The following SLC71A2 variants were observed in gnomAD, a reference collection of about 807,000 sequenced individuals.
SLC71A2 encodes the protein hippocampus abundant transcript-like 1.
chr9:94,429,478 A>G, the SLC71A2 span, among the ~76,000 whole-genome samples: 1 of 152,084 alleles, frequency 6.6e-6, no homozygotes, highest in Non-Finnish European at 1.5e-5. Flanking sequence ...CTATAGGCCT[A>G]ACTTCATTTT....
chr9:94,434,553 G>C, the SLC71A2 span, among the ~76,000 whole-genome samples: 5 of 152,050 alleles, frequency 3.3e-5, 1 homozygote, highest in Non-Finnish European at 5.9e-5. Flanking sequence ...TTGACCTCGT[G>C]ATCCTCCCGC....
chr9:94,430,909 T>G, the SLC71A2 span, among the ~76,000 whole-genome samples: 1 of 152,150 alleles, frequency 6.6e-6, no homozygotes, highest in Non-Finnish European at 1.5e-5. Flanking sequence ...TAATAGTATT[T>G]TTTAGTCTCT....
At chr9:94,375,223 GTT>G in the SLC71A2 span, among the ~76,000 whole-genome samples, 7 of 151,976 alleles carry the variant, frequency 4.6e-5, no homozygotes, top group African/African-American at 1.7e-4. Context: ...GTTGATAACA[GTT>G]TTCCTGGCGC....
the SLC71A2 span, among the ~76,000 whole-genome samples, chr9:94,387,427 A>T: frequency 1.9e-4 from 29 of 150,134 alleles, no homozygotes; most frequent in Admixed American, 1.3e-4. Context: ...CTGGTTTGCT[A>T]TTTTTTTTTT....
At chr9:94,450,065 G>A in the SLC71A2 span, among the ~76,000 whole-genome samples, 1 of 152,148 alleles carries the variant, frequency 6.6e-6, no homozygotes, top group African/African-American at 2.4e-5. Context: ...AAGGTTAGGG[G>A]AGTAGAACTC....
the SLC71A2 span, among the ~76,000 whole-genome samples, chr9:94,401,233 C>T: frequency 1.3e-5 from 2 of 152,164 alleles, no homozygotes; most frequent in East Asian, 3.9e-4. Flanking sequence ...TGCAGTGGCG[C>T]GATCTTGGCT....
the SLC71A2 span, among the ~76,000 whole-genome samples, chr9:94,413,094 A>G: frequency 6.6e-6 from 1 of 151,828 alleles, no homozygotes; most frequent in Non-Finnish European, 1.5e-5. Context: ...TTATTGGTGA[A>G]GAGTATACTA....
chr9:94,378,019 G>A, the SLC71A2 span, among the ~76,000 whole-genome samples: 2 of 151,880 alleles, frequency 1.3e-5, no homozygotes, highest in African/African-American at 4.8e-5. Context: ...CAGGAGAATC[G>A]CTTGAACCTG....
At chr9:94,407,376 G>GT in the SLC71A2 span, among the ~76,000 whole-genome samples, 1 of 149,936 alleles carries the variant, frequency 6.7e-6, no homozygotes, top group Non-Finnish European at 1.5e-5. Flanking sequence ...TTGGTCTGTA[G>GT]TTTTCTTTTT....
chr9:94,457,466 AT>A, the SLC71A2 span, among the ~76,000 whole-genome samples: 844 of 143,094 alleles, frequency 5.9e-3, 8 homozygotes, highest in African/African-American at 0.021. Flanking sequence ...TTTTTTTTCT[AT>A]ATCAGAAGTT....
chr9:94,392,930 C>T, the SLC71A2 span, among the ~76,000 whole-genome samples: 1 of 151,780 alleles, frequency 6.6e-6, no homozygotes, highest in African/African-American at 2.4e-5. Context: ...ATGCTGCTAC[C>T]ACCCCCTTCT....
chr9:94,458,473 G>A, the SLC71A2 span: 21 of 1,613,108 alleles, frequency 1.3e-5, 2 homozygotes, highest in South Asian at 2.2e-4. Context: ...AGGTAATTTG[G>A]TCATAAGTCT....
chr9:94,458,149 G>A, the SLC71A2 span, among the ~76,000 whole-genome samples: 1 of 152,122 alleles, frequency 6.6e-6, no homozygotes, highest in African/African-American at 2.4e-5. Context: ...ATTAGTTTTG[G>A]ATTTTATTTT....
the SLC71A2 span, among the ~76,000 whole-genome samples, chr9:94,376,514 A>G: frequency 9.2e-5 from 14 of 151,456 alleles, no homozygotes; most frequent in African/African-American, 3.4e-4. Flanking sequence ...TTGGCTCCTT[A>G]TGGCTTACAG....
the SLC71A2 span, among the ~76,000 whole-genome samples, chr9:94,403,172 C>T: frequency 2.6e-5 from 4 of 152,046 alleles, no homozygotes; most frequent in Non-Finnish European, 5.9e-5. Flanking sequence ...ATTTCACTCT[C>T]GTTGCCCAGG....
the SLC71A2 span, among the ~76,000 whole-genome samples, chr9:94,396,807 C>T: frequency 6.6e-6 from 1 of 152,126 alleles, no homozygotes; most frequent in Non-Finnish European, 1.5e-5. Context: ...TTTCGCTCTT[C>T]TTGCCCAGGC....
At chr9:94,417,595 C>G in the SLC71A2 span, among the ~76,000 whole-genome samples, 118 of 152,248 alleles carry the variant, frequency 7.8e-4, no homozygotes, top group African/African-American at 2.6e-3. Context: ...TCATTGCACT[C>G]CAGCCTGGGC....
At chr9:94,390,801 C>T in the SLC71A2 span, among the ~76,000 whole-genome samples, 1 of 152,156 alleles carries the variant, frequency 6.6e-6, no homozygotes. Context: ...TCGGGTAGTA[C>T]TGATACATGC....
the SLC71A2 span, chr9:94,445,232 A>G: frequency 7.0e-7 from 1 of 1,427,510 alleles, no homozygotes; most frequent in East Asian, 2.5e-5. Context: ...TTTCTAAGCC[A>G]AGCAAATGAA....
Sources: gnomAD v4.1 joint callset for allele counts (sites outside exome capture counted in the v4.1 genomes callset) on GRCh38, gnomAD v4.1.1 for gene constraint, MANE v1.5 for transcripts, NCBI Gene and HGNC (gene_info 2026-07-23, HGNC 2026-07-21) for gene names.